GRIK2: variants seen among roughly 807,000 people sequenced by gnomAD.
GRIK2 encodes glutamate ionotropic receptor kainate type subunit 2, also known as glutamate receptor ionotropic, kainate 2.
GRIK2 carries 32 observed loss-of-function variants against 100.3 expected under a neutral mutation model. The observed-to-expected ratio is 0.32, with a 90% CI of 0.24 to 0.43. The LOEUF (loss-of-function observed/expected upper bound fraction) is 0.43, where lower values mean the gene tolerates loss of function less well. GRIK2 is among the 20% of genes least tolerant of loss of function. The pLI is 1.00. For missense variants in GRIK2, 843 were observed against 1,114.9 expected (o/e 0.76, Z 3.47); for synonymous variants, 417 against 389.4 (o/e 1.07, Z -0.83).
intron 16 of GRIK2, among the ~76,000 whole-genome samples, chr6:102,066,426 G>A (rs1348909408): frequency 6.6e-6 from 1 of 151,448 alleles, no homozygotes; most frequent in African/African-American, 2.4e-5. Context: ...AGGCCAGACA[G>A]AAAAACAGGA....
intron 7 of GRIK2, among the ~76,000 whole-genome samples, chr6:101,735,926 G>A (rs1775603773): frequency 6.6e-6 from 1 of 152,184 alleles, no homozygotes; most frequent in African/African-American, 2.4e-5. Context: ...TCAAAAGCAA[G>A]TTTGTTACTT....
chr6:101,628,361 T>G (rs1780558046), intron 4 of GRIK2, among the ~76,000 whole-genome samples: 2 of 152,124 alleles, frequency 1.3e-5, no homozygotes, highest in South Asian at 4.1e-4. Context: ...TTTTGTTTTC[T>G]TATTTAAAAT....
rs1469478998 is a variant in GRIK2 at position 101,909,385 on chromosome 6, T to TGTTTTTTG, written c.1749-15216_1749-15215insGTTTTTTG. Among the ~76,000 whole-genome samples the TGTTTTTTG allele has an allele frequency of 1.5e-3, 115 of 78,424 alleles. 2 individuals are homozygous for TGTTTTTTG. Among genetic ancestry groups the TGTTTTTTG allele is most frequent in the East Asian group, 6.4e-3 (9 of 1,416 alleles). 51.4% of individuals were successfully genotyped at this position (78,424 alleles called of 152,430 possible). ...AGGAAGATAGGGTTTTCTTTTTCTT[T>TGTTTTTTG]TTTTTTTTTTTAAAGATCATTTGGG... On this transcript the variant is annotated intron_variant, in intron 12 of 16. Transcript: ENST00000369134.
intron 11 of GRIK2, among the ~76,000 whole-genome samples, chr6:101,859,862 A>G (rs1177263674): frequency 2.6e-5 from 4 of 152,174 alleles, no homozygotes; most frequent in Non-Finnish European, 5.9e-5. Flanking sequence ...ACAGAGAGGG[A>G]GAAATGACCT....
chr6:101,653,076 C>T (rs1005038827), intron 4 of GRIK2, among the ~76,000 whole-genome samples: 2 of 152,100 alleles, frequency 1.3e-5, no homozygotes, highest in East Asian at 3.9e-4. Context: ...AATGTCAAGA[C>T]GTGCTGAAAG....
intron 10 of GRIK2, among the ~76,000 whole-genome samples, chr6:101,858,950 G>T (rs1029385962): frequency 6.6e-6 from 1 of 150,722 alleles, no homozygotes; most frequent in Non-Finnish European, 1.5e-5. Flanking sequence ...ATTAGATGTC[G>T]GATATGATGT....
In GRIK2 at chr6:101,441,394, C is replaced by T. The variant is rs9404106; in HGVS notation, c.115+42002C>T. Among the ~76,000 whole-genome samples, 832 of 152,274 alleles carry T rather than the reference C, an allele frequency of 5.5e-3. 25 individuals are homozygous for T. Among genetic ancestry groups the T allele is most frequent in the Admixed American group, 0.042 (641 of 15,296 alleles). ...AAACAAACAAACAAAAAGCAGTCATCATTTCCAATTTTTCTAGAAGATCTC... is the reference window on the plus strand; with the variant it reads ...AAACAAACAAACAAAAAGCAGTCATTATTTCCAATTTTTCTAGAAGATCTC... On this transcript the variant is annotated intron_variant, in intron 2 of 16. Coordinates refer to ENST00000369134, the MANE Select transcript of GRIK2 (RefSeq NM_021956.5).
intron 14 of GRIK2, among the ~76,000 whole-genome samples, chr6:101,959,580 T>A (rs1792155793): frequency 6.6e-6 from 1 of 152,150 alleles, no homozygotes; most frequent in South Asian, 2.1e-4. Flanking sequence ...CTCAATTTCA[T>A]TTAGTTCTTT....
intron 7 of GRIK2, among the ~76,000 whole-genome samples, chr6:101,692,925 A>G (rs1396531950): frequency 6.6e-6 from 1 of 152,076 alleles, no homozygotes; most frequent in Non-Finnish European, 1.5e-5. Context: ...AATGAATGGT[A>G]AAAGGACATG....
intron 7 of GRIK2, among the ~76,000 whole-genome samples, chr6:101,699,102 G>A (rs1174543629): frequency 6.6e-6 from 1 of 152,162 alleles, no homozygotes; most frequent in African/African-American, 2.4e-5. Flanking sequence ...TCAAGCTAGA[G>A]AATTTCATAG....
intron 4 of GRIK2, 130 bp downstream of exon 4, chr6:101,626,767 GAC>G (rs1447223956): frequency 1.4e-6 from 1 of 710,248 alleles, no homozygotes; most frequent in African/African-American, 1.8e-5. Flanking sequence ...GGGGTAGAAA[GAC>G]AGAATCAAAC....
intron 9 of GRIK2, among the ~76,000 whole-genome samples, chr6:101,813,403 G>A (rs1320090175): frequency 6.6e-6 from 1 of 152,008 alleles, no homozygotes; most frequent in Non-Finnish European, 1.5e-5. Context: ...ATACCTTTAA[G>A]TCTGCAACCA....
intron 12 of GRIK2, among the ~76,000 whole-genome samples, chr6:101,912,450 T>C (rs903873357): frequency 2.0e-5 from 3 of 151,464 alleles, no homozygotes; most frequent in African/African-American, 7.3e-5. Flanking sequence ...TAATTCATGC[T>C]CAAAGATTAT....
chr6:101,945,910 G>GTTTTTTTTTTTTTTTTTTT (rs66532199), intron 14 of GRIK2, among the ~76,000 whole-genome samples: 1 of 131,432 alleles, frequency 7.6e-6, no homozygotes, highest in African/African-American at 2.7e-5. Flanking sequence ...TCTATCTACT[G>GTTTTTTTTTTTTTTTTTTT]TTTTTTTTTT....
At chr6:101,738,029 C>CT (rs1562346498) in intron 7 of GRIK2, among the ~76,000 whole-genome samples, 1 of 151,882 alleles carries the variant, frequency 6.6e-6, no homozygotes, top group Non-Finnish European at 1.5e-5. Flanking sequence ...CATATGTCTT[C>CT]TTTTTTTTCT....
chr6:101,923,367 T>C (rs533337023), intron 12 of GRIK2, among the ~76,000 whole-genome samples: 1 of 152,298 alleles, frequency 6.6e-6, no homozygotes, highest in Non-Finnish European at 1.5e-5. Flanking sequence ...GCATATTTAA[T>C]TGTGGGTGTA....
chr6:101,754,890 C>T (rs368403675), intron 7 of GRIK2, among the ~76,000 whole-genome samples: 1 of 152,050 alleles, frequency 6.6e-6, no homozygotes, highest in Non-Finnish European at 1.5e-5. Context: ...TAAGGGATAG[C>T]GGAATGTAAA....
chr6:101,480,514 C>A (rs367947538), intron 2 of GRIK2, among the ~76,000 whole-genome samples: 1 of 152,072 alleles, frequency 6.6e-6, no homozygotes, highest in African/African-American at 2.4e-5. Flanking sequence ...TCCTACAAAG[C>A]CTCACTGTTG....
intron 2 of GRIK2, among the ~76,000 whole-genome samples, chr6:101,496,166 C>T (rs767014333): frequency 5.3e-5 from 8 of 152,132 alleles, no homozygotes; most frequent in Non-Finnish European, 7.4e-5. Context: ...AGGCTGATCT[C>T]GAACTCCCGA....
Sources: gnomAD v4.1 joint callset for allele counts (sites outside exome capture counted in the v4.1 genomes callset) on GRCh38, gnomAD v4.1.1 for gene constraint, MANE v1.5 for transcripts, NCBI Gene and HGNC (gene_info 2026-07-23, HGNC 2026-07-21) for gene names.